WDPCP: variants seen among roughly 807,000 people sequenced by gnomAD.
WDPCP encodes the protein WD repeat containing planar cell polarity effector.
WDPCP carries 71 observed loss-of-function variants against 93.1 expected under a neutral mutation model. That is an observed-to-expected ratio of 0.76 (90% CI 0.63 to 0.93). WDPCP has a LOEUF of 0.93. WDPCP is among the 40% of genes least tolerant of loss of function. WDPCP has a pLI of 0.00. For missense variants in WDPCP, 844 were observed against 887.4 expected (o/e 0.95, Z 0.62); for synonymous variants, 315 against 315.0 (o/e 1.00, Z 0.00).
chr2:63,280,005 C>G (rs537679935), intron 13 of WDPCP, among the ~76,000 whole-genome samples: 2 of 152,094 alleles, frequency 1.3e-5, no homozygotes, highest in Non-Finnish European at 2.9e-5. Flanking sequence ...GAAACACATC[C>G]CATGCTCATG....
At chr2:63,267,716 G>C (rs746319358) in intron 13 of WDPCP, among the ~76,000 whole-genome samples, 34 of 152,008 alleles carry the variant, frequency 2.2e-4, no homozygotes, top group Non-Finnish European at 3.7e-4. Context: ...ACAGATACAT[G>C]AAAAACACTC....
At chr2:63,589,496 T>A, upstream of WDPCP, 1 of 1,060,214 alleles carries the variant, frequency 9.4e-7, no homozygotes, top group Non-Finnish European at 1.4e-6. Context: ...GCTGGAAAGG[T>A]AGTATTTACC....
At chr2:63,533,226 T>C (rs1227249082) in intron 1 of WDPCP, among the ~76,000 whole-genome samples, 1 of 152,146 alleles carries the variant, frequency 6.6e-6, no homozygotes, top group Non-Finnish European at 1.5e-5. Flanking sequence ...CTTAGAGACC[T>C]ACAAAGAGCT....
chr2:63,245,203 A>G (rs1189375982), intron 14 of WDPCP, among the ~76,000 whole-genome samples: 2 of 152,152 alleles, frequency 1.3e-5, no homozygotes, highest in African/African-American at 2.4e-5. Context: ...ATAAAATGGC[A>G]CAAGTGCAAG....
intron 1 of WDPCP, among the ~76,000 whole-genome samples, chr2:63,821,613 A>G (rs1671019839): frequency 6.6e-6 from 1 of 152,192 alleles, no homozygotes; most frequent in South Asian, 2.1e-4. Context: ...CTTCAGTGTC[A>G]ACAGTACAGA....
intron 17 of WDPCP, among the ~76,000 whole-genome samples, chr2:63,142,903 C>CAT (rs1444591881): frequency 7.1e-6 from 1 of 141,492 alleles, no homozygotes; most frequent in Admixed American, 7.0e-5. Context: ...TACACACATA[C>CAT]ATATATATAC....
chr2:63,364,110 T>A (rs1458969924), intron 12 of WDPCP, among the ~76,000 whole-genome samples: 1 of 152,252 alleles, frequency 6.6e-6, no homozygotes, highest in Admixed American at 6.5e-5. Context: ...TAGCATTAGT[T>A]ACTCATAAGT....
At chr2:63,730,841 T>G (rs988517516) in intron 2 of WDPCP, among the ~76,000 whole-genome samples, 12 of 152,130 alleles carry the variant, frequency 7.9e-5, no homozygotes, top group Admixed American at 4.6e-4. Context: ...GATTAAATGT[T>G]GATGTCCTCA....
chr2:63,706,219 A>G (rs943093767), intron 2 of WDPCP, among the ~76,000 whole-genome samples: 2 of 152,174 alleles, frequency 1.3e-5, no homozygotes, highest in African/African-American at 4.8e-5. Flanking sequence ...TTTCCTGAAT[A>G]CAGCACACTG....
chr2:63,571,147 G>A (rs755564420), intron 1 of WDPCP, among the ~76,000 whole-genome samples: 3 of 151,854 alleles, frequency 2.0e-5, no homozygotes, highest in African/African-American at 7.3e-5. Context: ...TCCTGACCTC[G>A]TGATTCGCCT....
At chr2:63,802,281 TAAAAA>T (rs58717654) in intron 2 of WDPCP, among the ~76,000 whole-genome samples, 449 of 53,922 alleles carry the variant, frequency 8.3e-3, no homozygotes, top group Non-Finnish European at 0.011. Flanking sequence ...CCCTCTCTCT[TAAAAA>T]AAAAAAAAAA....
At chr2:63,448,521 G>A (rs1238816298) in intron 6 of WDPCP, among the ~76,000 whole-genome samples, 1 of 151,734 alleles carries the variant, frequency 6.6e-6, no homozygotes, top group Non-Finnish European at 1.5e-5. Flanking sequence ...AGAGTATTAT[G>A]GTGAGTTTAA....
chr2:63,656,579 ATG>A lies in WDPCP; in HGVS notation n.309-5743_309-5742del, dbSNP rs1396657112. Among the ~76,000 whole-genome samples, 9 of 152,368 alleles carry A rather than the reference ATG, an allele frequency of 5.9e-5. No homozygotes were observed. In the East Asian group the frequency reaches 1.5e-3, roughly 26 times the overall value. The stretch of plus-strand genomic sequence containing the variant: ...GCTAGTCAGAAATTACTCAGGAGCC[ATG>A]TATAGAATGGAGACTGAGAAGACAA... On this transcript the variant is annotated intron_variant and non_coding_transcript_variant, in intron 2 of 4. Transcript: ENST00000467687.
chr2:63,452,482 A>T (rs1698321114), intron 6 of WDPCP, among the ~76,000 whole-genome samples: 1 of 152,242 alleles, frequency 6.6e-6, no homozygotes, highest in Non-Finnish European at 1.5e-5. Flanking sequence ...GTTCATGGAC[A>T]GGAAGAATCA....
chr2:63,300,447 G>C (rs980919291), intron 13 of WDPCP, among the ~76,000 whole-genome samples: 7 of 152,106 alleles, frequency 4.6e-5, no homozygotes, highest in Non-Finnish European at 1.0e-4. Flanking sequence ...GTTGTTGCAT[G>C]GGACTGAAAG....
chr2:63,747,460 T>C (rs1376570218), intron 2 of WDPCP, among the ~76,000 whole-genome samples: 1 of 152,130 alleles, frequency 6.6e-6, no homozygotes, highest in Non-Finnish European at 1.5e-5. Context: ...TTTTATTTTG[T>C]TTATAGTGTG....
chr2:63,528,027 A>G (rs1703488036), intron 1 of WDPCP, among the ~76,000 whole-genome samples: 1 of 152,018 alleles, frequency 6.6e-6, no homozygotes, highest in Non-Finnish European at 1.5e-5. Flanking sequence ...TCTTTTGAGA[A>G]GTGTCTATTC....
chr2:63,216,132 C>T (rs371246138), intron 14 of WDPCP, among the ~76,000 whole-genome samples: 49 of 152,216 alleles, frequency 3.2e-4, no homozygotes, highest in East Asian at 1.2e-3. Flanking sequence ...GTTCAACCAT[C>T]GTGGAAGTCA....
At chr2:63,705,511 T>C (rs1294362192) in intron 2 of WDPCP, among the ~76,000 whole-genome samples, 1 of 152,164 alleles carries the variant, frequency 6.6e-6, no homozygotes, top group Non-Finnish European at 1.5e-5. Context: ...CTGTTCTCAT[T>C]GGTTTCAAAG....
Sources: gnomAD v4.1 joint callset for allele counts (sites outside exome capture counted in the v4.1 genomes callset) on GRCh38, gnomAD v4.1.1 for gene constraint, MANE v1.5 for transcripts, NCBI Gene and HGNC (gene_info 2026-07-23, HGNC 2026-07-21) for gene names.